The following DENND6A variants were observed in gnomAD, a reference collection of about 807,000 sequenced individuals.
DENND6A encodes the protein DENN domain containing 6A.
In DENND6A, 43 loss-of-function variants were observed where a neutral mutation model predicts 95.5. The observed-to-expected ratio is 0.45, with a 90% CI of 0.35 to 0.58. DENND6A has a LOEUF of 0.58. DENND6A is among the 20% of genes least tolerant of loss of function. The probability of loss-of-function intolerance (pLI) is 0.00; values close to 1 mark genes in which losing one functional copy is unlikely to be tolerated. For synonymous variants in DENND6A, 257 were observed against 260.4 expected (o/e 0.99, Z 0.13); for missense variants, 574 against 736.0 (o/e 0.78, Z 2.55).
intron 11 of DENND6A, 54 bp downstream of exon 11, chr3:57,645,607 C>A (rs1309872255): frequency 6.1e-6 from 8 of 1,317,494 alleles, no homozygotes; most frequent in East Asian, 4.7e-5. Flanking sequence ...AATAATTCTA[C>A]ACAATTTTGG....
intron 18 of DENND6A, 97 bp from the exon 19 acceptor site, chr3:57,628,982 G>A: frequency 9.4e-7 from 1 of 1,063,326 alleles, no homozygotes; most frequent in Non-Finnish European, 1.4e-6. Flanking sequence ...AAGACAAGAA[G>A]GAAAAGGAGA....
intron 9 of DENND6A, among the ~76,000 whole-genome samples, chr3:57,649,093 C>A (rs889308304): frequency 1.2e-4 from 18 of 152,216 alleles, no homozygotes; most frequent in African/African-American, 4.3e-4. Context: ...AGGAGAAAAT[C>A]TTCACAATCT....
intron 9 of DENND6A, among the ~76,000 whole-genome samples, chr3:57,651,269 G>A (rs760390537): frequency 6.6e-6 from 1 of 152,140 alleles, no homozygotes. Context: ...TATCAAAAAC[G>A]CACTTTCAAC....
intron 12 of DENND6A, among the ~76,000 whole-genome samples, chr3:57,637,933 A>C (rs2070834996): frequency 6.6e-6 from 1 of 152,050 alleles, no homozygotes; most frequent in African/African-American, 2.4e-5. Context: ...CAGGAATTCG[A>C]GACCAGCCTG....
rs1489288813 is a variant in DENND6A, at chr3:57,692,238, A to G, written c.237+544T>C. Among the ~76,000 whole-genome samples the G allele has an allele frequency of 1.4e-4, 21 of 151,284 alleles. No individual in the cohort carries two copies. The South Asian group carries it at 4.4e-3, about 31-fold the overall frequency. On this transcript the variant is annotated intron_variant, in intron 1 of 19. Transcript: ENST00000311128. Reference sequence around the variant, plus strand: ...AGCAAAAACTCCGTCTCAAAAAAAAAAAAAAAAAAAAACAGAAATGAGGCA... The same window carrying G: ...AGCAAAAACTCCGTCTCAAAAAAAAGAAAAAAAAAAAACAGAAATGAGGCA...
At chr3:57,687,652 G>A (rs2077222850) in intron 1 of DENND6A, among the ~76,000 whole-genome samples, 1 of 152,188 alleles carries the variant, frequency 6.6e-6, no homozygotes, top group Admixed American at 6.5e-5. Flanking sequence ...TAGGATGACA[G>A]CCAGGTGTGG....
rs550738124 is a variant in DENND6A at position 57,644,160 on chromosome 3, A to C, written c.1037+1501T>G. Among the ~76,000 whole-genome samples, 11 of 152,128 alleles carry C rather than the reference A, an allele frequency of 7.2e-5. No individual in the cohort carries two copies. In the East Asian group the frequency reaches 1.7e-3, roughly 24 times the overall value. ...GCCAGACTCCATCTCAAAAAAAAAA[A>C]AAAAAAACTATCAGTCTGAAATCAG... is the stretch of plus-strand genomic sequence containing the variant. On this transcript the variant is annotated intron_variant, in intron 11 of 19. Coordinates refer to ENST00000311128, the MANE Select transcript of DENND6A (RefSeq NM_152678.3).
intron 15 of DENND6A, among the ~76,000 whole-genome samples, chr3:57,631,965 G>A (rs1320614809): frequency 5.6e-5 from 8 of 142,634 alleles, no homozygotes; most frequent in African/African-American, 1.6e-4. Flanking sequence ...CTCGTGATCC[G>A]CCCGCCTCGG....
chr3:57,659,299 T>C (rs2071382510), intron 7 of DENND6A, 119 bp from the exon 8 acceptor site: 1 of 1,002,208 alleles, frequency 1.0e-6, no homozygotes, highest in Admixed American at 2.0e-5. Context: ...AACAAAATTA[T>C]CTATGTCAGA....
intron 3 of DENND6A, 50 bp from the exon 4 acceptor site, chr3:57,666,285 T>A: frequency 7.1e-7 from 1 of 1,405,578 alleles, no homozygotes. Context: ...GTATAACATT[T>A]ATCCAGTTTC....
At position 57,627,425 on chromosome 3, in the gene DENND6A, T is replaced by C. The variant is rs150379083; in HGVS notation, c.*789A>G. ...TCCCAAAGTGCTAGGATTACAGGCG[T>C]GAGCCACCACACCCAGCCTAATGTT... On this transcript the variant is annotated 3_prime_UTR_variant, in exon 20 of 20. Coordinates refer to ENST00000311128, the MANE Select transcript of DENND6A (RefSeq NM_152678.3). 1 of 152,304 alleles carries C rather than the reference T, an allele frequency of 6.6e-6. No homozygotes were observed. Among genetic ancestry groups the C allele is most frequent in the East Asian group, 1.9e-4 (1 of 5,182 alleles). The allele number at this position is 152,304 out of a possible 1,614,324, so 9.4% of individuals were successfully genotyped here.
intron 4 of DENND6A, among the ~76,000 whole-genome samples, chr3:57,664,812 A>G (rs1005642154): frequency 2.0e-5 from 3 of 152,206 alleles, no homozygotes; most frequent in Non-Finnish European, 2.9e-5. Context: ...CAGCCTGGTG[A>G]CAGAGCAAGA....
intron 9 of DENND6A, among the ~76,000 whole-genome samples, chr3:57,654,271 G>T (rs1187892656): frequency 2.0e-5 from 3 of 152,112 alleles, no homozygotes; most frequent in South Asian, 2.1e-4. Flanking sequence ...TCACTTCTAA[G>T]AATTAAACAG....
At chr3:57,653,940 AC>A (rs1575838325) in intron 9 of DENND6A, among the ~76,000 whole-genome samples, 1 of 105,852 alleles carries the variant, frequency 9.4e-6, no homozygotes, top group Non-Finnish European at 1.9e-5. Context: ...TTAGAAATTC[AC>A]TTTTTTTTTT....
chr3:57,630,785 T>C lies in DENND6A; in HGVS notation c.1447A>G (p.Met483Val). The C allele has an allele frequency of 6.2e-7, 1 of 1,614,078 alleles. No individual in the cohort carries two copies. The highest frequency in any genetic ancestry group is 8.5e-7 in the Non-Finnish European group (1 of 1,179,992). Residue 483 changes from methionine (M) to valine (V), a missense_variant, in exon 17 of 20, where the codon ATG (methionine) becomes GTG (valine). Transcript: ENST00000311128. Reference sequence around the variant, plus strand: ...GGTCCTGTTTTCTCAAGTGTTTTCATAAATTCTTCTGGAAGAAACTGTCTT... The same window carrying C: ...GGTCCTGTTTTCTCAAGTGTTTTCACAAATTCTTCTGGAAGAAACTGTCTT... ...QLRQFLPEEFMKTLEKTGPQL... is the reference protein window; with the variant it reads ...QLRQFLPEEFVKTLEKTGPQL...
intron 1 of DENND6A, among the ~76,000 whole-genome samples, chr3:57,675,081 A>G (rs1013358120): frequency 1.6e-4 from 24 of 152,266 alleles, no homozygotes; most frequent in African/African-American, 5.1e-4. Context: ...CTGAGACATG[A>G]GTTTATGTAC....
intron 1 of DENND6A, among the ~76,000 whole-genome samples, chr3:57,680,431 C>G (rs1166559701): frequency 6.6e-6 from 1 of 151,768 alleles, no homozygotes; most frequent in African/African-American, 2.4e-5. Context: ...ATGCTCTTAT[C>G]AAAGAGACCC....
chr3:57,663,730 G>C lies in DENND6A; in HGVS notation c.433-14C>G. ...AGCAGGATCCTTCTAAGAAGAAAGT[G>C]ACAAGTAAGTGTGTGTGGGGGGGTA... On this transcript the variant is annotated splice_polypyrimidine_tract_variant and intron_variant, in intron 4 of 19. Transcript: ENST00000311128. 1 of 1,533,872 alleles carries C rather than the reference G, an allele frequency of 6.5e-7. No individual in the cohort carries two copies. Among genetic ancestry groups the C allele is most frequent in the Non-Finnish European group, 8.9e-7 (1 of 1,127,580 alleles).
At chr3:57,646,579 T>C (rs1282361061) in intron 9 of DENND6A, 141 bp from the exon 10 acceptor site, 2 of 1,223,390 alleles carry the variant, frequency 1.6e-6, no homozygotes, top group Non-Finnish European at 2.2e-6. Context: ...CAAATTCATT[T>C]AGAATATGGT....
Sources: allele counts gnomAD v4.1 joint callset (sites outside exome capture counted in the v4.1 genomes callset), GRCh38; gene constraint gnomAD v4.1.1; transcripts MANE v1.5; gene names NCBI Gene and HGNC (gene_info 2026-07-23, HGNC 2026-07-21).